The following WWOX variants were observed in gnomAD, a reference collection of about 807,000 sequenced individuals.
The protein encoded by WWOX is WW domain-containing oxidoreductase.
In WWOX, 69 loss-of-function variants were observed where a neutral mutation model predicts 46.2. That is an observed-to-expected ratio of 1.49 (90% CI 1.23 to 1.82). WWOX has a LOEUF of 1.82. WWOX is among the 40% of genes most tolerant of loss of function. The probability of loss-of-function intolerance (pLI) is 0.00; values close to 1 mark genes in which losing one functional copy is unlikely to be tolerated. For synonymous variants in WWOX, 359 were observed against 202.6 expected (o/e 1.77, Z -6.56); for missense variants, 919 against 542.6 (o/e 1.69, Z -6.89).
chr16:78,635,579 C>G (rs1363754076), intron 8 of WWOX, among the ~76,000 whole-genome samples: 3 of 152,144 alleles, frequency 2.0e-5, no homozygotes, highest in African/African-American at 7.2e-5. Flanking sequence ...GTTTCTTCAT[C>G]TACAAAATGA....
chr16:79,149,548 G>T (rs1358281179), intron 8 of WWOX, among the ~76,000 whole-genome samples: 1 of 152,220 alleles, frequency 6.6e-6, no homozygotes, highest in Non-Finnish European at 1.5e-5. Context: ...GTTAGGAGAA[G>T]AATATAGCTC....
At chr16:78,301,648 C>T (rs1214916258) in intron 5 of WWOX, among the ~76,000 whole-genome samples, 2 of 152,110 alleles carry the variant, frequency 1.3e-5, no homozygotes, top group Admixed American at 6.6e-5. Flanking sequence ...ATTCAAGTCT[C>T]AGGTTAAAAA....
chr16:78,436,085 C>T (rs2083329175), intron 8 of WWOX, among the ~76,000 whole-genome samples: 2 of 152,198 alleles, frequency 1.3e-5, no homozygotes, highest in Admixed American at 6.5e-5. Flanking sequence ...GGTCAAATGA[C>T]ATGCCTAGCT....
intron 8 of WWOX, among the ~76,000 whole-genome samples, chr16:78,727,299 T>A (rs1032800887): frequency 1.3e-5 from 2 of 152,186 alleles, no homozygotes; most frequent in African/African-American, 4.8e-5. Flanking sequence ...CTAGGGAGGC[T>A]GAGGCAGGAG....
chr16:78,616,448 C>G (rs1386914307), intron 8 of WWOX, among the ~76,000 whole-genome samples: 2 of 151,598 alleles, frequency 1.3e-5, no homozygotes, highest in African/African-American at 4.8e-5. Context: ...GCAGAGGCAA[C>G]TCTCTGGGGT....
intron 3 of WWOX, among the ~76,000 whole-genome samples, chr16:78,110,787 C>T (rs765963779): frequency 5.3e-5 from 8 of 152,172 alleles, no homozygotes; most frequent in Non-Finnish European, 8.8e-5. Context: ...CTGCCAGTGA[C>T]ACAGACTTGA....
At chr16:79,211,386 C>T (rs368706614) in intron 8 of WWOX, among the ~76,000 whole-genome samples, 13 of 152,150 alleles carry the variant, frequency 8.5e-5, no homozygotes, top group African/African-American at 2.9e-4. Flanking sequence ...TCAAAAGTTA[C>T]ACCAGCTTTA....
At chr16:78,269,708 C>T (rs776541857) in intron 5 of WWOX, among the ~76,000 whole-genome samples, 9 of 152,138 alleles carry the variant, frequency 5.9e-5, no homozygotes, top group African/African-American at 1.7e-4. Context: ...TGTATATTGT[C>T]GAAGCAGAAA....
intron 8 of WWOX, among the ~76,000 whole-genome samples, chr16:78,922,815 G>T (rs981599776): frequency 6.6e-6 from 1 of 152,168 alleles, no homozygotes; most frequent in African/African-American, 2.4e-5. Context: ...ACTGGAGCTT[G>T]GGGGTCCCAG....
chr16:78,422,122 C>G (rs548665869), intron 6 of WWOX, among the ~76,000 whole-genome samples: 1 of 152,124 alleles, frequency 6.6e-6, no homozygotes, highest in Non-Finnish European at 1.5e-5. Flanking sequence ...ATGTCTGCCA[C>G]TGTTTCTGTT....
intron 8 of WWOX, among the ~76,000 whole-genome samples, chr16:78,500,995 A>T (rs1264501056): frequency 6.6e-6 from 1 of 152,140 alleles, no homozygotes; most frequent in East Asian, 1.9e-4. Flanking sequence ...CAGCCAGGGA[A>T]ATATGTTTCA....
At chr16:78,711,315 T>C (rs565743699) in intron 8 of WWOX, among the ~76,000 whole-genome samples, 33 of 152,352 alleles carry the variant, frequency 2.2e-4, no homozygotes, top group Middle Eastern at 3.4e-3. Flanking sequence ...ACTATTTCTA[T>C]GGTTTGTTTA....
chr16:78,466,093 A>G (rs1207005779), intron 8 of WWOX, among the ~76,000 whole-genome samples: 2 of 151,546 alleles, frequency 1.3e-5, no homozygotes, highest in African/African-American at 2.4e-5. Flanking sequence ...GTGCAGTGGC[A>G]CCATCTCTGC....
At chr16:78,696,205 C>T (rs940356591) in intron 8 of WWOX, among the ~76,000 whole-genome samples, 1 of 152,188 alleles carries the variant, frequency 6.6e-6, no homozygotes, top group Non-Finnish European at 1.5e-5. Flanking sequence ...TTAACTCTCT[C>T]TGCCTGGCAA....
chr16:78,129,776 A>G (rs1382894922), intron 4 of WWOX, among the ~76,000 whole-genome samples: 2 of 151,628 alleles, frequency 1.3e-5, no homozygotes, highest in African/African-American at 2.4e-5. Flanking sequence ...ATGTAGATTT[A>G]TGACAGTTTT....
At position 78,348,681 on chromosome 16, in the gene WWOX, C is replaced by T. The variant is rs186899667; in HGVS notation, c.517-38179C>T. On this transcript the variant is annotated intron_variant, in intron 5 of 8. Coordinates refer to ENST00000566780, the MANE Select transcript of WWOX (RefSeq NM_016373.4). ...CCATGTTGCCCAGGCTGGTCTCTAACTCCTGAGCTCAAGAGATCCACCCGC... is the reference window on the plus strand; with the variant it reads ...CCATGTTGCCCAGGCTGGTCTCTAATTCCTGAGCTCAAGAGATCCACCCGC... Among the ~76,000 whole-genome samples the T allele has an allele frequency of 2.0e-4, 24 of 120,076 alleles. 4 individuals carry two copies. The highest frequency in any genetic ancestry group is 6.8e-4 in the African/African-American group (24 of 35,440). 78.8% of individuals were successfully genotyped at this position (120,076 alleles called of 152,430 possible).
At chr16:78,903,861 T>C (rs2044890802) in intron 8 of WWOX, among the ~76,000 whole-genome samples, 1 of 152,230 alleles carries the variant, frequency 6.6e-6, no homozygotes, top group African/African-American at 2.4e-5. Context: ...TTCTCAGAAC[T>C]CTGTGGCAGG....
Position 78,876,859 on chromosome 16 carries a change from C to T in WWOX, c.1057-334749C>T, listed in dbSNP as rs1012324097. 1.1e-4 allele frequency among the ~76,000 whole-genome samples: 17 copies of T among 152,302 alleles called. No individual in the cohort carries two copies. The East Asian group carries it at 3.3e-3, about 29-fold the overall frequency. The stretch of plus-strand genomic sequence containing the variant: ...AGCTTGGCAAACCCAGTGGAACGCT[C>T]TTTCTAGTTTGGGGCATAAAATAAG... On this transcript the variant is annotated intron_variant, in intron 8 of 8. Coordinates refer to ENST00000566780, the MANE Select transcript of WWOX (RefSeq NM_016373.4).
At chr16:78,178,242 C>G (rs1009884731) in intron 5 of WWOX, among the ~76,000 whole-genome samples, 48 of 152,352 alleles carry the variant, frequency 3.2e-4, no homozygotes, top group African/African-American at 1.1e-3. Context: ...GGTCCCCCGT[C>G]CCAGCACTTC....
Sources: allele counts gnomAD v4.1 joint callset (sites outside exome capture counted in the v4.1 genomes callset), GRCh38; gene constraint gnomAD v4.1.1; transcripts MANE v1.5; gene names NCBI Gene and HGNC (gene_info 2026-07-23, HGNC 2026-07-21).